COL14A1: variants seen among roughly 807,000 people sequenced by gnomAD.
The protein encoded by COL14A1 is collagen alpha-1(XIV) chain.
COL14A1 carries 136 observed loss-of-function variants against 230.3 expected under a neutral mutation model. The ratio of observed to expected loss-of-function variants is 0.59; its 90% CI spans 0.51 to 0.68. The LOEUF (loss-of-function observed/expected upper bound fraction) is 0.68, where lower values mean the gene tolerates loss of function less well. COL14A1 is among the 30% of genes least tolerant of loss of function. COL14A1 has a pLI of 0.00. For synonymous variants in COL14A1, 792 were observed against 784.1 expected, an observed-to-expected ratio of 1.01 and a Z score of -0.17; for missense variants, 1,976 against 2,215.8, an observed-to-expected ratio of 0.89 and a Z score of 2.17.
intron 3 of COL14A1, among the ~76,000 whole-genome samples, 182 bp downstream of exon 3, chr8:120,158,428 A>G (rs1373589279): frequency 1.3e-5 from 2 of 152,108 alleles, no homozygotes; most frequent in African/African-American, 2.4e-5. Flanking sequence ...GTAAAGAATG[A>G]CTCTTGGCTC....
intron 28 of COL14A1, 78 bp downstream of exon 28, chr8:120,278,656 A>G: frequency 7.2e-7 from 1 of 1,388,150 alleles, no homozygotes; most frequent in East Asian, 2.4e-5. Context: ...TATAGGCTAT[A>G]TCAGCATTAC....
At chr8:120,321,108 T>C (rs1312975392) in intron 40 of COL14A1, among the ~76,000 whole-genome samples, 2 of 152,158 alleles carry the variant, frequency 1.3e-5, no homozygotes, top group Non-Finnish European at 2.9e-5. Context: ...AGAAAATCTT[T>C]CTCAAAAGAG....
chr8:120,283,624 T>G lies in COL14A1; in HGVS notation c.3825-12T>G, dbSNP rs764886426. 1.3e-6 allele frequency: 2 copies of G among 1,582,554 alleles called. No individual in the cohort carries two copies. Among genetic ancestry groups the G allele is most frequent in the Non-Finnish European group, 1.7e-6 (2 of 1,170,438 alleles). On this transcript the variant is annotated splice_polypyrimidine_tract_variant and intron_variant, in intron 31 of 47. Coordinates refer to ENST00000297848, the MANE Select transcript of COL14A1 (RefSeq NM_021110.4). ...AGGATACAATGAAACATGGTTTTCTTTCTATGTTCAGGTACTTGCACCCAG... is the reference window on the plus strand; with the variant it reads ...AGGATACAATGAAACATGGTTTTCTGTCTATGTTCAGGTACTTGCACCCAG...
intron 13 of COL14A1, among the ~76,000 whole-genome samples, chr8:120,216,121 A>G (rs182655416): frequency 3.9e-5 from 6 of 152,292 alleles, no homozygotes; most frequent in South Asian, 4.1e-4. Context: ...ATTTCTAACC[A>G]TGTGTAACTT....
At chr8:120,169,767 T>G (rs1816039333) in intron 5 of COL14A1, among the ~76,000 whole-genome samples, 1 of 152,054 alleles carries the variant, frequency 6.6e-6, no homozygotes, top group Non-Finnish European at 1.5e-5. Context: ...ATTTTCATAC[T>G]TTTCTTCTAA....
intron 5 of COL14A1, among the ~76,000 whole-genome samples, chr8:120,193,273 G>C (rs931270793): frequency 1.3e-5 from 2 of 152,156 alleles, no homozygotes; most frequent in Non-Finnish European, 2.9e-5. Context: ...CAGACAGGAC[G>C]CTCGGCTGCA....
intron 40 of COL14A1, among the ~76,000 whole-genome samples, chr8:120,322,972 C>T (rs540357836): frequency 2.9e-4 from 44 of 152,340 alleles, no homozygotes; most frequent in African/African-American, 4.8e-4. Flanking sequence ...TTTGAGGAAT[C>T]GCCGCACTGC....
chr8:120,127,567 G>A (rs370223774), intron 1 of COL14A1, among the ~76,000 whole-genome samples: 7 of 152,214 alleles, frequency 4.6e-5, no homozygotes, highest in South Asian at 2.1e-4. Flanking sequence ...TTCAGAATCA[G>A]CCAGGGCTGC....
chr8:120,196,785 T>G lies in COL14A1; in HGVS notation c.437-6T>G. On this transcript the variant is annotated splice_polypyrimidine_tract_variant and splice_region_variant and intron_variant, in intron 5 of 47. Coordinates refer to ENST00000297848, the MANE Select transcript of COL14A1 (RefSeq NM_021110.4). ...CACATGCGCTTTTCTGGTTTGTGCT[T>G]TGCAGAAGTGAAATTTGTCTGTCAA... 1 of 1,613,576 alleles carries G rather than the reference T, an allele frequency of 6.2e-7. No homozygotes were observed. Among genetic ancestry groups the G allele is most frequent in the Non-Finnish European group, 8.5e-7 (1 of 1,179,762 alleles).
chr8:120,306,649 A>C (rs991057421), intron 36 of COL14A1, among the ~76,000 whole-genome samples: 2 of 152,182 alleles, frequency 1.3e-5, no homozygotes, highest in African/African-American at 4.8e-5. Context: ...TGAAAAAATG[A>C]GTGTTTTCGT....
chr8:120,328,607 A>G (rs981715952), intron 40 of COL14A1, among the ~76,000 whole-genome samples: 5 of 152,148 alleles, frequency 3.3e-5, no homozygotes, highest in African/African-American at 1.2e-4. Context: ...TAGGAGCAAC[A>G]TGTCATCCTT....
At chr8:120,354,533 G>C (rs1822909949) in intron 45 of COL14A1, among the ~76,000 whole-genome samples, 1 of 152,082 alleles carries the variant, frequency 6.6e-6, no homozygotes, top group Admixed American at 6.5e-5. Flanking sequence ...TTCGCAATGT[G>C]ATGTACATGG....
chr8:120,311,317 A>T (rs937825811), intron 37 of COL14A1, among the ~76,000 whole-genome samples: 1 of 152,130 alleles, frequency 6.6e-6, no homozygotes, highest in Non-Finnish European at 1.5e-5. Flanking sequence ...CTCTGCTCCT[A>T]TAGATTCTAG....
At chr8:120,279,780 A>G (rs1437878628) in intron 28 of COL14A1, among the ~76,000 whole-genome samples, 155 bp from the exon 29 acceptor site, 1 of 152,200 alleles carries the variant, frequency 6.6e-6, no homozygotes, top group Non-Finnish European at 1.5e-5. Context: ...AAATATATAC[A>G]TGCAGAACTC....
intron 1 of COL14A1, among the ~76,000 whole-genome samples, chr8:120,127,981 C>T (rs1814398647): frequency 6.6e-6 from 1 of 152,070 alleles, no homozygotes; most frequent in Admixed American, 6.5e-5. Context: ...CTAGTTGATC[C>T]CCCCAGGGAA....
At chr8:120,251,984 A>G (rs1282715890) in intron 22 of COL14A1, among the ~76,000 whole-genome samples, 1 of 151,920 alleles carries the variant, frequency 6.6e-6, no homozygotes, top group Non-Finnish European at 1.5e-5. Context: ...AATACTCACT[A>G]TTCTTTCATT....
chr8:120,182,973 T>A (rs1816515893), intron 5 of COL14A1, among the ~76,000 whole-genome samples: 1 of 152,074 alleles, frequency 6.6e-6, no homozygotes, highest in South Asian at 2.1e-4. Flanking sequence ...GTGATCCGCC[T>A]GACTCAGCCT....
intron 39 of COL14A1, 108 bp from the exon 40 acceptor site, chr8:120,315,836 A>G (rs1180140098): frequency 4.4e-5 from 50 of 1,145,820 alleles, no homozygotes; most frequent in Non-Finnish European, 6.2e-5. Flanking sequence ...AGGGTTCACC[A>G]TTATGCTCTT....
intron 45 of COL14A1, among the ~76,000 whole-genome samples, chr8:120,360,798 C>A (rs751761699): frequency 6.6e-6 from 1 of 152,178 alleles, no homozygotes; most frequent in Non-Finnish European, 1.5e-5. Flanking sequence ...CTGGGCTAGG[C>A]AGTTTATGTT....
Sources: allele counts gnomAD v4.1 joint callset (sites outside exome capture counted in the v4.1 genomes callset), GRCh38; gene constraint gnomAD v4.1.1; transcripts MANE v1.5; gene names NCBI Gene and HGNC (gene_info 2026-07-23, HGNC 2026-07-21).